The following FAM184A variants were observed in gnomAD, a reference collection of about 807,000 sequenced individuals.
The protein encoded by FAM184A is family with sequence similarity 184 member A.
Under a neutral mutation model 143.8 loss-of-function variants are expected in FAM184A, and 99 were observed. The observed-to-expected ratio is 0.69, with a 90% CI of 0.58 to 0.81. The LOEUF (loss-of-function observed/expected upper bound fraction) is 0.81, where lower values mean the gene tolerates loss of function less well. FAM184A is among the 40% of genes least tolerant of loss of function. The pLI, the probability that FAM184A is intolerant of heterozygous loss-of-function variation, is 0.00. For synonymous variants in FAM184A, 427 were observed against 446.4 expected, an observed-to-expected ratio of 0.96 and a Z score of 0.55; for missense variants, 1,217 against 1,310.5, an observed-to-expected ratio of 0.93 and a Z score of 1.10.
intron 1 of FAM184A, among the ~76,000 whole-genome samples, chr6:119,067,088 T>G (rs1462201764): frequency 6.6e-6 from 1 of 152,238 alleles, no homozygotes; most frequent in Non-Finnish European, 1.5e-5. Flanking sequence ...TTTTTTTCCT[T>G]TTTCTGATGT....
chr6:119,070,458 G>T (rs1787641254), intron 1 of FAM184A, among the ~76,000 whole-genome samples: 1 of 152,042 alleles, frequency 6.6e-6, no homozygotes. Flanking sequence ...GGCAGCCAAA[G>T]AATATTTTCC....
At chr6:119,041,634 G>A (rs544861023) in intron 1 of FAM184A, among the ~76,000 whole-genome samples, 4 of 152,006 alleles carry the variant, frequency 2.6e-5, no homozygotes, top group Non-Finnish European at 4.4e-5. Flanking sequence ...TGTTTGTTAC[G>A]GCTAGAGCTG....
intron 5 of FAM184A, among the ~76,000 whole-genome samples, chr6:119,015,584 G>T (rs1785219034): frequency 6.6e-6 from 1 of 152,220 alleles, no homozygotes; most frequent in Non-Finnish European, 1.5e-5. Flanking sequence ...CGGGACTGCA[G>T]CCCGCCATGC....
At chr6:119,039,895 T>A (rs1250775007) in intron 1 of FAM184A, among the ~76,000 whole-genome samples, 1 of 152,190 alleles carries the variant, frequency 6.6e-6, no homozygotes, top group Non-Finnish European at 1.5e-5. Context: ...AAGTATCTTC[T>A]GGGTACGCTA....
At chr6:119,128,257 A>T (rs1016310569) in intron 1 of FAM184A, among the ~76,000 whole-genome samples, 6 of 152,204 alleles carry the variant, frequency 3.9e-5, no homozygotes, top group African/African-American at 1.4e-4. Flanking sequence ...AGCCCGCAAA[A>T]CCAAGAAGAT....
At chr6:119,115,490 G>A (rs192079649) in intron 1 of FAM184A, among the ~76,000 whole-genome samples, 49 of 152,282 alleles carry the variant, frequency 3.2e-4, no homozygotes, top group African/African-American at 1.1e-3. Context: ...CCAGGAGCTC[G>A]AGACCACCAT....
At chr6:119,083,548 T>G (rs1343641274), upstream of FAM184A, among the ~76,000 whole-genome samples, 1 of 152,138 alleles carries the variant, frequency 6.6e-6, no homozygotes, top group African/African-American at 2.4e-5. Flanking sequence ...GCTTGGAAAT[T>G]TCTTCTGCCA....
chr6:118,999,698 T>C (rs1225979896), intron 9 of FAM184A, among the ~76,000 whole-genome samples: 6 of 152,182 alleles, frequency 3.9e-5, no homozygotes, highest in Admixed American at 2.6e-4. Flanking sequence ...CTGGTAAATG[T>C]TTAACAGCTC....
chr6:119,141,543 C>A (rs1271883670), intron 1 of FAM184A, among the ~76,000 whole-genome samples: 1 of 152,170 alleles, frequency 6.6e-6, no homozygotes, highest in African/African-American at 2.4e-5. Flanking sequence ...GTGGCGCGAT[C>A]TTGGCTCACT....
intron 9 of FAM184A, among the ~76,000 whole-genome samples, chr6:118,989,806 ATTTAT>A (rs748861000): frequency 1.1e-5 from 1 of 88,980 alleles, no homozygotes; most frequent in Non-Finnish European, 2.2e-5. Context: ...TTTTACATTT[ATTTAT>A]TTATTTATTT....
At chr6:119,125,602 T>C (rs1462521309) in intron 1 of FAM184A, among the ~76,000 whole-genome samples, 1 of 152,238 alleles carries the variant, frequency 6.6e-6, no homozygotes, top group African/African-American at 2.4e-5. Context: ...GTTATAAACC[T>C]AGACGGACAC....
intron 1 of FAM184A, among the ~76,000 whole-genome samples, chr6:119,065,637 C>T (rs575566847): frequency 3.3e-5 from 5 of 152,148 alleles, no homozygotes; most frequent in Non-Finnish European, 5.9e-5. Context: ...ATATGACAGA[C>T]CCGTTATCCT....
chr6:119,057,348 T>C (rs1161658980), intron 1 of FAM184A, among the ~76,000 whole-genome samples: 6 of 152,200 alleles, frequency 3.9e-5, no homozygotes, highest in Non-Finnish European at 4.4e-5. Flanking sequence ...AATATAAAAG[T>C]CTTTCTTACT....
At position 118,999,278 on chromosome 6, in the gene FAM184A, T is replaced by C. The variant is rs552851562; in HGVS notation, c.2088+3621A>G. On this transcript the variant is annotated intron_variant, in intron 9 of 17. Coordinates refer to ENST00000338891, the MANE Select transcript of FAM184A (RefSeq NM_024581.6). Reference sequence around the variant, plus strand: ...TTAGATATTTAAATTGAAATGTCTCTATTTCATTCTTACTTCAATATAAAA... The same window carrying C: ...TTAGATATTTAAATTGAAATGTCTCCATTTCATTCTTACTTCAATATAAAA... Among the ~76,000 whole-genome samples, 6 of 152,342 alleles carry C rather than the reference T, an allele frequency of 3.9e-5. No individual in the cohort carries two copies. In the East Asian group the frequency reaches 1.2e-3, roughly 29 times the overall value.
At chr6:118,987,619 T>C (rs1176241361) in intron 9 of FAM184A, among the ~76,000 whole-genome samples, 1 of 152,200 alleles carries the variant, frequency 6.6e-6, no homozygotes, top group Admixed American at 6.5e-5. Flanking sequence ...AACATTACAA[T>C]GTATAAAATA....
intron 1 of FAM184A, among the ~76,000 whole-genome samples, chr6:119,036,397 G>T (rs915873498): frequency 1.3e-5 from 2 of 151,986 alleles, no homozygotes; most frequent in Non-Finnish European, 1.5e-5. Flanking sequence ...AATTTTAAAA[G>T]AACTTTAAAA....
intron 9 of FAM184A, among the ~76,000 whole-genome samples, chr6:118,986,607 C>A (rs1207651211): frequency 1.3e-5 from 2 of 152,106 alleles, no homozygotes; most frequent in African/African-American, 4.8e-5. Flanking sequence ...GCCCCTTTTA[C>A]TTTTTTTGTA....
chr6:119,004,256 G>C (rs1198763256), intron 7 of FAM184A, among the ~76,000 whole-genome samples: 1 of 152,248 alleles, frequency 6.6e-6, no homozygotes, highest in Non-Finnish European at 1.5e-5. Flanking sequence ...CCTGCCAGCA[G>C]AGCAGCTGCT....
intron 1 of FAM184A, among the ~76,000 whole-genome samples, chr6:119,123,459 G>A (rs898747689): frequency 1.3e-5 from 2 of 152,118 alleles, no homozygotes; most frequent in African/African-American, 4.8e-5. Flanking sequence ...GTTGGTTCAC[G>A]TCAGGGGTAA....
Sources: allele counts gnomAD v4.1 joint callset (sites outside exome capture counted in the v4.1 genomes callset), GRCh38; gene constraint gnomAD v4.1.1; transcripts MANE v1.5; gene names NCBI Gene and HGNC (gene_info 2026-07-23, HGNC 2026-07-21).